ARHGAP6: variants seen among roughly 807,000 people sequenced by gnomAD.
ARHGAP6 encodes the protein rho GTPase-activating protein 6.
ARHGAP6 carries 16 observed loss-of-function variants against 55.7 expected under a neutral mutation model. The observed-to-expected ratio is 0.29, with a 90% confidence interval of 0.19 to 0.44. ARHGAP6 has a LOEUF of 0.44. Among genes scored for constraint, ARHGAP6 ranks in the 20% least tolerant of loss-of-function variants. ARHGAP6 has a pLI of 1.00. For missense variants in ARHGAP6, 698 were observed against 808.9 expected, an observed-to-expected ratio of 0.86 and a Z score of 1.66; for synonymous variants, 382 against 360.9, an observed-to-expected ratio of 1.06 and a Z score of -0.66.
intron 1 of ARHGAP6, among the ~76,000 whole-genome samples, chrX:11,359,389 T>C (rs1284175668): frequency 8.9e-6 from 1 of 112,429 alleles, no homozygotes; most frequent in Non-Finnish European, 1.9e-5. Flanking sequence ...AAGAGGACAT[T>C]ATGTTTAATA....
intron 1 of ARHGAP6, among the ~76,000 whole-genome samples, chrX:11,269,228 C>T (rs763429370): frequency 5.4e-5 from 6 of 111,452 alleles, no homozygotes; most frequent in Non-Finnish European, 1.1e-4. Flanking sequence ...GGAGCCCTTG[C>T]GCTTGAAACT....
At chrX:11,365,935 G>T (rs1010105776) in intron 1 of ARHGAP6, among the ~76,000 whole-genome samples, 13 of 112,421 alleles carry the variant, frequency 1.2e-4, no homozygotes, top group Non-Finnish European at 2.3e-4. Context: ...GCAGAGTTCA[G>T]TTCTGATGAG....
At chrX:11,397,855 G>A (rs780409636) in intron 1 of ARHGAP6, among the ~76,000 whole-genome samples, 6 of 111,920 alleles carry the variant, frequency 5.4e-5, no homozygotes, top group Non-Finnish European at 1.1e-4. Context: ...CTGCACTCCA[G>A]CCTGGGCAAC....
At chrX:11,427,835 AGGAG>A (rs1569340666) in intron 1 of ARHGAP6, 3 of 436,543 alleles carry the variant, frequency 6.9e-6, no homozygotes, top group Admixed American at 1.0e-4. Flanking sequence ...GAGGAGGAGG[AGGAG>A]GAGGAGGAGG....
chrX:11,657,732 G>C (rs1240758762), intron 1 of ARHGAP6, among the ~76,000 whole-genome samples: 1 of 103,974 alleles, frequency 9.6e-6, no homozygotes, highest in East Asian at 2.9e-4. Flanking sequence ...TCACAAAAGT[G>C]AATGAGACAA....
chrX:11,281,091 A>G (rs950960242), intron 1 of ARHGAP6, among the ~76,000 whole-genome samples: 1 of 112,270 alleles, frequency 8.9e-6, no homozygotes, highest in African/African-American at 3.2e-5. Context: ...GGGAATGAAA[A>G]AACAAACTCC....
chrX:11,407,154 C>G (rs2049620205), intron 1 of ARHGAP6, among the ~76,000 whole-genome samples: 1 of 111,184 alleles, frequency 9.0e-6, no homozygotes, highest in Admixed American at 9.6e-5. Context: ...TGCATTTTAT[C>G]CCACCCCCAG....
At chrX:11,179,017 C>T (rs2046276113) in intron 7 of ARHGAP6, among the ~76,000 whole-genome samples, 1 of 111,959 alleles carries the variant, frequency 8.9e-6, no homozygotes, top group African/African-American at 3.2e-5. Flanking sequence ...AATGTGAACT[C>T]TTGTTGGTAC....
At chrX:11,323,927 A>G (rs1028893113) in intron 1 of ARHGAP6, among the ~76,000 whole-genome samples, 1 of 109,652 alleles carries the variant, frequency 9.1e-6, no homozygotes, top group Non-Finnish European at 1.9e-5. Context: ...TGAAGCCCAC[A>G]GCAGCAGGCC....
intron 2 of ARHGAP6, among the ~76,000 whole-genome samples, chrX:11,203,853 C>T (rs1038114227): frequency 3.6e-5 from 4 of 111,942 alleles, no homozygotes; most frequent in Admixed American, 9.5e-5. Context: ...CCTACATCTA[C>T]GCTCAAGTCT....
rs141045689 is a variant in ARHGAP6, at chrX:11,335,458, G to A, written c.589-80751C>T. Among the ~76,000 whole-genome samples, 414 of 111,149 alleles carry A rather than the reference G, an allele frequency of 3.7e-3. 2 individuals carry two copies. Among genetic ancestry groups the A allele is most frequent in the African/African-American group, 0.012 (365 of 30,558 alleles). On this transcript the variant is annotated intron_variant, in intron 1 of 12. Coordinates refer to ENST00000337414, the MANE Select transcript of ARHGAP6 (RefSeq NM_013427.3). Reference sequence around the variant, plus strand: ...CATTGTTAAACTCCCACTTATGAGTGAGAACATGCGCTGTTTGGTTTTCTG... The same window carrying A: ...CATTGTTAAACTCCCACTTATGAGTAAGAACATGCGCTGTTTGGTTTTCTG...
At chrX:11,288,010 A>G (rs1397016645) in intron 1 of ARHGAP6, among the ~76,000 whole-genome samples, 1 of 112,370 alleles carries the variant, frequency 8.9e-6, no homozygotes, top group Non-Finnish European at 1.9e-5. Flanking sequence ...AGAGATGCTC[A>G]GGCGAACACC....
At chrX:11,561,870 A>C (rs1179879255) in intron 1 of ARHGAP6, among the ~76,000 whole-genome samples, 1 of 112,196 alleles carries the variant, frequency 8.9e-6, no homozygotes, top group Non-Finnish European at 1.9e-5. Context: ...AGGATGCAAC[A>C]TCTGGATGTC....
At chrX:11,383,193 A>C (rs772999500) in intron 1 of ARHGAP6, among the ~76,000 whole-genome samples, 3 of 111,401 alleles carry the variant, frequency 2.7e-5, no homozygotes, top group Non-Finnish European at 5.7e-5. Context: ...AGTTCTGAAG[A>C]ACCAGGAGTG....
intron 1 of ARHGAP6, among the ~76,000 whole-genome samples, chrX:11,426,854 GT>G (rs1032960050): frequency 9.1e-6 from 1 of 109,776 alleles, no homozygotes; most frequent in African/African-American, 3.3e-5. Flanking sequence ...TCTCTGTTGT[GT>G]TTCCTGCAGT....
intron 1 of ARHGAP6, among the ~76,000 whole-genome samples, chrX:11,512,619 G>C (rs1408784295): frequency 9.0e-6 from 1 of 111,300 alleles, no homozygotes; most frequent in Non-Finnish European, 1.9e-5. Context: ...AAGAGATCTT[G>C]AGTGTTTCCA....
chrX:11,285,737 G>A (rs1457883048), intron 1 of ARHGAP6, among the ~76,000 whole-genome samples: 2 of 112,255 alleles, frequency 1.8e-5, no homozygotes, highest in East Asian at 5.5e-4. Context: ...TCTTTAGCCC[G>A]TTTATTTACA....
At chrX:11,627,265 C>T (rs1428516346) in intron 1 of ARHGAP6, among the ~76,000 whole-genome samples, 1 of 111,248 alleles carries the variant, frequency 9.0e-6, no homozygotes, top group Non-Finnish European at 1.9e-5. Context: ...AACAATTCCA[C>T]ACAATATTCC....
At chrX:11,268,005 T>C (rs1344695443) in intron 1 of ARHGAP6, among the ~76,000 whole-genome samples, 1 of 112,375 alleles carries the variant, frequency 8.9e-6, no homozygotes, top group Non-Finnish European at 1.9e-5. Context: ...CAAAAAGTGC[T>C]GAGAGCACAA....
Sources: allele counts gnomAD v4.1 joint callset (sites outside exome capture counted in the v4.1 genomes callset), GRCh38; gene constraint gnomAD v4.1.1; transcripts MANE v1.5; gene names NCBI Gene and HGNC (gene_info 2026-07-23, HGNC 2026-07-21).